RP1: variants seen among roughly 807,000 people sequenced by gnomAD.
RP1 encodes the protein oxygen-regulated protein 1.
A neutral mutation model predicts 14.8 loss-of-function variants in RP1; 16 were observed. The observed-to-expected ratio is 1.08, with a 90% CI of 0.73 to 1.65. RP1 has a LOEUF of 1.65. Ranked by LOEUF, RP1 falls within the 40% of genes most tolerant of loss-of-function variation. RP1 has a pLI of 0.00. For synonymous variants in RP1, 876 were observed against 883.6 expected (o/e 0.99, Z 0.15); for missense variants, 2,631 against 2,535.0 (o/e 1.04, Z -0.81).
intron 24 of RP1, among the ~76,000 whole-genome samples, chr8:54,788,258 T>C (rs1810375345): frequency 6.6e-6 from 1 of 152,190 alleles, no homozygotes; most frequent in Non-Finnish European, 1.5e-5. Flanking sequence ...TTGGCTGAGC[T>C]AGAGCAAGTC....
intron 5 of RP1, among the ~76,000 whole-genome samples, chr8:54,654,752 A>G (rs760737468): frequency 3.9e-5 from 6 of 152,080 alleles, no homozygotes; most frequent in Non-Finnish European, 8.8e-5. Flanking sequence ...GGCTCAAGCG[A>G]TCCTCCCACC....
At chr8:54,661,808 G>A (rs1234402603) in intron 6 of RP1, among the ~76,000 whole-genome samples, 1 of 151,978 alleles carries the variant, frequency 6.6e-6, no homozygotes, top group Non-Finnish European at 1.5e-5. Flanking sequence ...GTATTTTTCT[G>A]TGTTGTTAGA....
At chr8:54,583,745 A>C (rs556988224) in intron 1 of RP1, among the ~76,000 whole-genome samples, 13 of 152,278 alleles carry the variant, frequency 8.5e-5, no homozygotes, top group South Asian at 2.1e-4. Context: ...GTATGTGTTG[A>C]GGAATTTATC....
chr8:54,604,752 C>T (rs1049569852), intron 1 of RP1, among the ~76,000 whole-genome samples: 4 of 152,134 alleles, frequency 2.6e-5, no homozygotes, highest in African/African-American at 4.8e-5. Flanking sequence ...CAACTTCTTC[C>T]TGGTTTAGTC....
At chr8:54,811,088 G>T (rs1451325551) in intron 24 of RP1, among the ~76,000 whole-genome samples, 1 of 152,144 alleles carries the variant, frequency 6.6e-6, no homozygotes, top group Non-Finnish European at 1.5e-5. Context: ...CCTCATCTTT[G>T]CTTATTTTAA....
intron 3 of RP1, among the ~76,000 whole-genome samples, chr8:54,622,866 A>T (rs1195735448): frequency 1.3e-5 from 2 of 152,168 alleles, no homozygotes; most frequent in Non-Finnish European, 1.5e-5. Flanking sequence ...TATCCTTTGG[A>T]TAGGGGAGGA....
At chr8:54,767,707 TGTAAA>T (rs1270148986) in intron 22 of RP1, among the ~76,000 whole-genome samples, 1 of 152,174 alleles carries the variant, frequency 6.6e-6, no homozygotes, top group African/African-American at 2.4e-5. Flanking sequence ...TATTCTGGCA[TGTAAA>T]GTAAACTCTT....
At position 54,617,786 on chromosome 8, in the gene RP1, CT is replaced by C. The variant is rs1805757143; in HGVS notation, c.-13+1585del. Among the ~76,000 whole-genome samples, 3 of 152,348 alleles carry C rather than the reference CT, an allele frequency of 2.0e-5. No homozygotes were observed. The South Asian group carries it at 6.2e-4, about 32-fold the overall frequency. ...TTACTCTGTGAACTTCCCATGGACT[CT>C]GTAGGAAATGCACATTATTAAGACA... On this transcript the variant is annotated intron_variant, in intron 1 of 3. Coordinates refer to ENST00000220676, the MANE Select transcript of RP1 (RefSeq NM_006269.2).
At chr8:54,645,597 C>T (rs980956988) in intron 3 of RP1, among the ~76,000 whole-genome samples, 5 of 152,094 alleles carry the variant, frequency 3.3e-5, no homozygotes, top group African/African-American at 1.2e-4. Context: ...ATGTGGTTTT[C>T]TAATATTTTG....
intron 12 of RP1, among the ~76,000 whole-genome samples, chr8:54,695,818 C>T (rs182202019): frequency 7.2e-5 from 11 of 152,126 alleles, no homozygotes; most frequent in Non-Finnish European, 1.2e-4. Context: ...CAATAACACC[C>T]TAACCCCCAG....
intron 1 of RP1, among the ~76,000 whole-genome samples, chr8:54,589,463 T>A (rs1297835196): frequency 6.6e-6 from 1 of 152,198 alleles, no homozygotes; most frequent in African/African-American, 2.4e-5. Flanking sequence ...TCAGAGAAAG[T>A]GGAAAAAAAG....
At chr8:54,810,954 C>T (rs1810977210) in intron 24 of RP1, among the ~76,000 whole-genome samples, 1 of 152,178 alleles carries the variant, frequency 6.6e-6, no homozygotes. Context: ...AACACACATA[C>T]AGAGGGCCAA....
intron 22 of RP1, among the ~76,000 whole-genome samples, chr8:54,761,667 TG>T (rs1809643769): frequency 6.6e-6 from 1 of 152,154 alleles, no homozygotes; most frequent in African/African-American, 2.4e-5. Flanking sequence ...CAAAATATAT[TG>T]AACAATCCCA....
chr8:54,633,540 A>G (rs553089729), downstream of RP1, among the ~76,000 whole-genome samples: 10 of 152,210 alleles, frequency 6.6e-5, no homozygotes, highest in South Asian at 2.1e-3. Flanking sequence ...GGTGGTTGTG[A>G]GAGGATCACT....
chr8:54,656,190 A>G (rs1806751666), exon 6 of RP1: 2 of 1,535,658 alleles, frequency 1.3e-6, no homozygotes, highest in Non-Finnish European at 1.7e-6. Flanking sequence ...TTCCTCTTTT[A>G]AGTAAAGGAC....
At position 54,627,484 on chromosome 8, in the gene RP1, A is replaced by G. The variant is rs373897207; in HGVS notation, c.3602A>G (p.Gln1201Arg). ...TSHFGLSEKE[Q>R]DMVPIDLSAN... ...CACTTTGGACTCAGTGAGAAAGAAC[A>G]AGACATGGTTCCAATAGATCTTTCT... is the stretch of plus-strand genomic sequence containing the variant. Residue 1201 changes from glutamine to arginine, a missense_variant, in exon 4 of 4, where the codon CAA becomes CGA. Coordinates refer to ENST00000220676, the MANE Select transcript of RP1 (RefSeq NM_006269.2). 12 of 1,614,170 alleles carry G rather than the reference A, an allele frequency of 7.4e-6. No homozygotes were observed. Among genetic ancestry groups the G allele is most frequent in the Non-Finnish European group, 1.0e-5 (12 of 1,179,986 alleles).
chr8:54,726,344 G>T lies in RP1; in HGVS notation c.2390-1G>T. On this transcript the variant is annotated splice_acceptor_variant, in intron 16 of 22. Coordinates refer to the RP1 transcript ENST00000636932. LOFTEE classifies it high-confidence loss of function. ...GGCATCTTTTAAAATCTTAATTTCA[G>T]TTGGCAGAGAAAACCCAATGGGAAT... is the stretch of plus-strand genomic sequence containing the variant. 2 of 1,517,878 alleles carry T rather than the reference G, an allele frequency of 1.3e-6. No individual in the cohort carries two copies. Among genetic ancestry groups the T allele is most frequent in the Non-Finnish European group, 8.8e-7 (1 of 1,140,728 alleles). The allele number at this position is 1,517,878 out of a possible 1,614,324, so 94.0% of individuals were successfully genotyped here.
intron 1 of RP1, among the ~76,000 whole-genome samples, chr8:54,596,963 G>A (rs569408818): frequency 6.6e-6 from 1 of 152,092 alleles, no homozygotes; most frequent in South Asian, 2.1e-4. Flanking sequence ...TACCTTACCG[G>A]TTTCTGTCAG....
At chr8:54,800,060 A>ATGAGAAGGTCTTTATTTAT (rs1464706075) in intron 24 of RP1, among the ~76,000 whole-genome samples, 1 of 151,930 alleles carries the variant, frequency 6.6e-6, no homozygotes, top group African/African-American at 2.4e-5. Context: ...TTCTGTTTGT[A>ATGAGAAGGTCTTTATTTAT]TGAGAAGGTC....
Sources: allele counts gnomAD v4.1 joint callset (sites outside exome capture counted in the v4.1 genomes callset), GRCh38; gene constraint gnomAD v4.1.1; transcripts MANE v1.5; gene names NCBI Gene and HGNC (gene_info 2026-07-23, HGNC 2026-07-21).